The following CDC16 variants were observed in gnomAD, a reference collection of about 807,000 sequenced individuals.
The protein encoded by CDC16 is cell division cycle protein 16 homolog.
Under a neutral mutation model 87.0 loss-of-function variants are expected in CDC16, and 34 were observed. That is an observed-to-expected ratio of 0.39 (90% confidence interval 0.30 to 0.52). The LOEUF (loss-of-function observed/expected upper bound fraction) is 0.52. Among genes scored for constraint, CDC16 ranks in the 20% least tolerant of loss-of-function variants. The probability of loss-of-function intolerance (pLI) is 0.74; values close to 1 mark genes in which losing one functional copy is unlikely to be tolerated. For missense variants in CDC16, 653 were observed against 751.9 expected, an observed-to-expected ratio of 0.87 and a Z score of 1.54; for synonymous variants, 263 against 260.6, an observed-to-expected ratio of 1.01 and a Z score of -0.09.
At chr13:114,252,812 T>G (rs192185552) in intron 12 of CDC16, among the ~76,000 whole-genome samples, 1 of 152,292 alleles carries the variant, frequency 6.6e-6, no homozygotes, top group Admixed American at 6.5e-5. Flanking sequence ...CCTTCAGTGT[T>G]TCCAAATCTA....
intron 1 of CDC16, among the ~76,000 whole-genome samples, chr13:114,235,550 C>T (rs2081205845): frequency 6.6e-6 from 1 of 152,196 alleles, no homozygotes; most frequent in South Asian, 2.1e-4. Flanking sequence ...TGTGAAGAAG[C>T]CTGTTGTCTC....
intron 12 of CDC16, 105 bp downstream of exon 12, chr13:114,250,779 A>G (rs1566657142): frequency 1.8e-6 from 2 of 1,093,882 alleles, no homozygotes; most frequent in Non-Finnish European, 2.6e-6. Context: ...CTAAACACAA[A>G]CATTTTACTT....
intron 13 of CDC16, among the ~76,000 whole-genome samples, chr13:114,259,094 TAAAA>T (rs5807005): frequency 3.6e-5 from 4 of 111,450 alleles, no homozygotes; most frequent in East Asian, 2.5e-4. Context: ...GTGAGACTCT[TAAAA>T]AAAAAAAAAA....
chr13:114,272,654 G>T lies in CDC16; in HGVS notation c.*211G>T. On this transcript the variant is annotated 3_prime_UTR_variant, in exon 18 of 18. Coordinates refer to ENST00000356221, the MANE Select transcript of CDC16 (RefSeq NM_001078645.3). The stretch of plus-strand genomic sequence containing the variant: ...AACCTACAAAATAGTTATACATAGT[G>T]GAATAAAGAAGGTAAACCATCTGTT... 2.3e-6 allele frequency: 1 copy of T among 428,780 alleles called. No homozygotes were observed. The highest frequency in any genetic ancestry group is 6.4e-5 in the South Asian group (1 of 15,668). 26.6% of individuals were successfully genotyped at this position (428,780 alleles called of 1,614,324 possible).
chr13:114,253,670 CAG>C (rs1371748788), intron 12 of CDC16, among the ~76,000 whole-genome samples: 3 of 142,028 alleles, frequency 2.1e-5, no homozygotes, highest in African/African-American at 5.4e-5. Flanking sequence ...GCCTGGGCGA[CAG>C]AGTGAGACTC....
rs930176130 is a variant in CDC16, at chr13:114,242,190, T to C, written c.451T>C (p.Tyr151His). 1.2e-6 allele frequency: 2 copies of C among 1,614,074 alleles called. No individual in the cohort carries two copies. The highest frequency in any genetic ancestry group is 2.7e-5 in the African/African-American group (2 of 74,946). ...TCTAGATAACCGAACCCTGGCTACC[T>C]ACAGCTACAAAGAAGCTTTGAAGCT... ...DALDNRTLATYSYKEALKLDV... is the reference protein window; with the variant it reads ...DALDNRTLATHSYKEALKLDV... Residue 151 changes from tyrosine to histidine, a missense_variant, in exon 6 of 18, where the codon TAC becomes CAC. Transcript: ENST00000356221.
In CDC16 at chr13:114,235,100, C is replaced by A; in HGVS notation, c.16C>A (p.Leu6Met). 8.0e-7 allele frequency: 1 copy of A among 1,245,626 alleles called. No individual in the cohort carries two copies. The highest frequency in any genetic ancestry group is 3.6e-5 in the South Asian group (1 of 27,946). The allele number at this position is 1,245,626 out of a possible 1,614,324, so 77.2% of individuals were successfully genotyped here. A position where few individuals can be genotyped will look rare whatever the true frequency, so the allele number is the denominator to read the frequency against. ...CCGCGCCGCCATGAACCTAGAGCGG[C>A]TGCGGAAGCGCGTCCGGCAGTACCT... MNLERLRKRVRQYLDQ... is the reference protein window; with the variant it reads MNLERMRKRVRQYLDQ... Residue 6 changes from leucine (L) to methionine (M), a missense_variant, in exon 1 of 18, where the codon CTG becomes ATG. Leu to Met is a conservative substitution (Grantham distance 15). Transcript: ENST00000356221.
chr13:114,259,559 C>T (rs1333830793), intron 14 of CDC16, among the ~76,000 whole-genome samples, 161 bp downstream of exon 14: 1 of 152,144 alleles, frequency 6.6e-6, no homozygotes, highest in Non-Finnish European at 1.5e-5. Context: ...ACTGTTTTAC[C>T]ACATGGTAAG....
At chr13:114,268,650 C>A (rs1178340917) in intron 17 of CDC16, among the ~76,000 whole-genome samples, 1 of 152,122 alleles carries the variant, frequency 6.6e-6, no homozygotes, top group African/African-American at 2.4e-5. Context: ...CAAATAAAGG[C>A]CCTCAGGGAA....
rs1248934472 is a variant in CDC16 at position 114,250,698 on chromosome 13, A to AC, written c.1097+25dup. 3 of 1,611,318 alleles carry AC rather than the reference A, an allele frequency of 1.9e-6. No individual in the cohort carries two copies. The African/African-American group carries it at 4.0e-5, about 22-fold the overall frequency. ...GGGTACGGCAGAGCAAACTCATCAA[A>AC]CTCCATGAAGGGATGTTTTTCCTAA... On this transcript the variant is annotated intron_variant, in intron 12 of 17. Coordinates refer to ENST00000356221, the MANE Select transcript of CDC16 (RefSeq NM_001078645.3).
intron 17 of CDC16, among the ~76,000 whole-genome samples, chr13:114,268,068 C>T (rs2083358049): frequency 6.6e-6 from 1 of 152,168 alleles, no homozygotes; most frequent in South Asian, 2.1e-4. Context: ...TGTCCCCAGC[C>T]AGAGACCTGC....
intron 16 of CDC16, 33 bp from the exon 17 acceptor site, chr13:114,265,117 C>T (rs372619510): frequency 1.4e-6 from 2 of 1,420,718 alleles, no homozygotes; most frequent in Non-Finnish European, 2.0e-6. Flanking sequence ...AATATGTTTT[C>T]TTTTAATAAC....
rs199997057 is a variant in CDC16, at chr13:114,239,344, A to G, written c.241-6A>G. ...GTGATGAGCGGCACTTCTGTTTTCC[A>G]CGTAGTATGCTGCAAAAGAGCACCA... On this transcript the variant is annotated splice_polypyrimidine_tract_variant and splice_region_variant and intron_variant, in intron 4 of 17. Transcript: ENST00000356221. 11 of 1,594,386 alleles carry G rather than the reference A, an allele frequency of 6.9e-6. No individual in the cohort carries two copies. The East Asian group carries it at 2.0e-4, about 29-fold the overall frequency.
At chr13:114,270,418 C>CCA (rs561913504) in intron 17 of CDC16, among the ~76,000 whole-genome samples, 2 of 152,202 alleles carry the variant, frequency 1.3e-5, no homozygotes, top group South Asian at 4.1e-4. Flanking sequence ...GGCCCCACCT[C>CCA]CAACATTGAG....
chr13:114,248,605 C>G (rs554394980), intron 11 of CDC16, among the ~76,000 whole-genome samples: 2 of 151,918 alleles, frequency 1.3e-5, no homozygotes, highest in South Asian at 4.2e-4. Flanking sequence ...TGTTTGAGTC[C>G]AGGAGGTGGA....
At chr13:114,266,938 C>A (rs17338347) in intron 17 of CDC16, among the ~76,000 whole-genome samples, 1 of 151,782 alleles carries the variant, frequency 6.6e-6, no homozygotes. Context: ...CCTTGTGATC[C>A]GCCCTCCTCG....
At chr13:114,262,020 A>T (rs912309206) in intron 15 of CDC16, 72 bp downstream of exon 15, 1 of 911,574 alleles carries the variant, frequency 1.1e-6, no homozygotes, top group Admixed American at 2.3e-5. Context: ...ATACTTTGTC[A>T]TATTCTTATT....
At chr13:114,259,863 A>G (rs963206841) in intron 14 of CDC16, among the ~76,000 whole-genome samples, 1 of 152,228 alleles carries the variant, frequency 6.6e-6, no homozygotes, top group Admixed American at 6.5e-5. Context: ...GTTACTGCAT[A>G]CTGAGTGTGT....
At chr13:114,255,774 C>G (rs770426256) in intron 12 of CDC16, among the ~76,000 whole-genome samples, 4 of 152,306 alleles carry the variant, frequency 2.6e-5, no homozygotes, top group Non-Finnish European at 5.9e-5. Context: ...TCTCAAGTGT[C>G]TGGGACTACA....
Sources: allele counts gnomAD v4.1 joint callset (sites outside exome capture counted in the v4.1 genomes callset), GRCh38; gene constraint gnomAD v4.1.1; transcripts MANE v1.5; gene names NCBI Gene and HGNC (gene_info 2026-07-23, HGNC 2026-07-21).